TOMM70: variants seen among roughly 807,000 people sequenced by gnomAD.
TOMM70 encodes translocase of outer mitochondrial membrane 70, also known as mitochondrial import receptor subunit TOM70.
Under a neutral mutation model 73.6 loss-of-function variants are expected in TOMM70, and 13 were observed. That is an observed-to-expected ratio of 0.18 (90% CI 0.11 to 0.28). The LOEUF is 0.28. Ranked by LOEUF, TOMM70 falls within the 10% of genes least tolerant of loss-of-function variation. TOMM70 has a pLI of 1.00. For missense variants in TOMM70, 609 were observed against 747.5 expected (o/e 0.81, Z 2.16); for synonymous variants, 257 against 271.2 (o/e 0.95, Z 0.51).
chr3:100,388,669 G>GC (rs1360473220), intron 1 of TOMM70, among the ~76,000 whole-genome samples: 1 of 151,936 alleles, frequency 6.6e-6, no homozygotes, highest in African/African-American at 2.4e-5. Context: ...AAAAAAAGAG[G>GC]CCCCCAACTC....
chr3:100,395,262 G>A (rs1037468620), intron 1 of TOMM70, among the ~76,000 whole-genome samples: 2 of 152,034 alleles, frequency 1.3e-5, no homozygotes, highest in Non-Finnish European at 2.9e-5. Flanking sequence ...CCAGCTACTC[G>A]GGAGGCTGAG....
At chr3:100,383,411 T>C (rs952488683) in intron 4 of TOMM70, among the ~76,000 whole-genome samples, 3 of 151,724 alleles carry the variant, frequency 2.0e-5, no homozygotes, top group East Asian at 3.9e-4. Context: ...TAGTCCCAGC[T>C]ACTTGGGAGA....
At chr3:100,395,977 T>C (rs1195361825) in intron 1 of TOMM70, among the ~76,000 whole-genome samples, 1 of 151,158 alleles carries the variant, frequency 6.6e-6, no homozygotes, top group African/African-American at 2.4e-5. Flanking sequence ...CTCTGTATTG[T>C]GATAAGGAGA....
chr3:100,391,925 G>C (rs1347881836), intron 1 of TOMM70, among the ~76,000 whole-genome samples: 1 of 152,100 alleles, frequency 6.6e-6, no homozygotes, highest in Non-Finnish European at 1.5e-5. Flanking sequence ...GCAGCTTCCA[G>C]TCTGACAAGC....
chr3:100,384,911 T>C (rs1706673056), intron 3 of TOMM70, among the ~76,000 whole-genome samples: 1 of 152,214 alleles, frequency 6.6e-6, no homozygotes, highest in Non-Finnish European at 1.5e-5. Context: ...AAACATAGTG[T>C]GGCTCTCTCA....
chr3:100,398,890 G>GCTTT (rs910007606), intron 1 of TOMM70, among the ~76,000 whole-genome samples: 1 of 152,152 alleles, frequency 6.6e-6, no homozygotes, highest in Middle Eastern at 3.2e-3. Context: ...AGATCATATG[G>GCTTT]CTTTCTCATG....
intron 1 of TOMM70, among the ~76,000 whole-genome samples, chr3:100,393,474 T>TAA (rs150068388): frequency 6.6e-6 from 1 of 151,122 alleles, no homozygotes; most frequent in African/African-American, 2.4e-5. Flanking sequence ...TGTAAGTGAT[T>TAA]AAAAAAAAAC....
intron 6 of TOMM70, 140 bp from the exon 7 acceptor site, chr3:100,375,292 G>A (rs1706550145): frequency 9.7e-7 from 1 of 1,030,220 alleles, no homozygotes; most frequent in South Asian, 2.2e-5. Flanking sequence ...TGTTTTTAGT[G>A]TATTCACTAA....
chr3:100,376,816 T>C (rs116766449), intron 6 of TOMM70, among the ~76,000 whole-genome samples: 4 of 152,290 alleles, frequency 2.6e-5, no homozygotes, highest in Admixed American at 6.5e-5. Context: ...TGCGTTTCTT[T>C]AAAATTTTGT....
At chr3:100,400,220 G>A (rs1382654853) in intron 1 of TOMM70, among the ~76,000 whole-genome samples, 1 of 152,084 alleles carries the variant, frequency 6.6e-6, no homozygotes, top group Non-Finnish European at 1.5e-5. Context: ...ATTATTAAAA[G>A]GCTCTTAGCG....
At chr3:100,368,377 G>T (rs1353677575) in intron 10 of TOMM70, among the ~76,000 whole-genome samples, 1 of 151,992 alleles carries the variant, frequency 6.6e-6, no homozygotes, top group East Asian at 1.9e-4. Context: ...GTGTTCAATG[G>T]TCTAGGCTCT....
intron 5 of TOMM70, among the ~76,000 whole-genome samples, chr3:100,380,143 C>T (rs895243515): frequency 2.6e-5 from 4 of 151,900 alleles, no homozygotes; most frequent in Admixed American, 6.6e-5. Flanking sequence ...GTCGGGAGTT[C>T]GAGACCAGCC....
At chr3:100,382,303 G>T (rs1191097682) in intron 4 of TOMM70, among the ~76,000 whole-genome samples, 2 of 152,052 alleles carry the variant, frequency 1.3e-5, no homozygotes, top group Admixed American at 1.3e-4. Context: ...GGAAACATGC[G>T]ATTTTTCATT....
At chr3:100,384,398 TA>T in intron 4 of TOMM70, 80 bp downstream of exon 4, 1 of 960,010 alleles carries the variant, frequency 1.0e-6, no homozygotes, top group Non-Finnish European at 1.5e-6. Flanking sequence ...CCACTATGCC[TA>T]AGCTTAAGCA....
chr3:100,394,378 T>G (rs76632512), intron 1 of TOMM70, among the ~76,000 whole-genome samples: 3 of 149,520 alleles, frequency 2.0e-5, no homozygotes, highest in Non-Finnish European at 3.0e-5. Flanking sequence ...TTTTTTTTTT[T>G]GAGATAGAGT....
At chr3:100,373,116 CTTATT>C (rs1199582135) in intron 8 of TOMM70, among the ~76,000 whole-genome samples, 1 of 146,284 alleles carries the variant, frequency 6.8e-6, no homozygotes, top group Non-Finnish European at 1.5e-5. Flanking sequence ...CTGGAAGTAT[CTTATT>C]TTACTAGAAA....
At chr3:100,385,657 G>T (rs1706682200) in intron 3 of TOMM70, among the ~76,000 whole-genome samples, 1 of 152,142 alleles carries the variant, frequency 6.6e-6, no homozygotes, top group South Asian at 2.1e-4. Context: ...AATATTTATG[G>T]CATTTAATGA....
chr3:100,400,867 G>T lies in TOMM70; in HGVS notation c.83C>A (p.Thr28Asn). 1 of 1,527,316 alleles carries T rather than the reference G, an allele frequency of 6.5e-7. No individual in the cohort carries two copies. The highest frequency in any genetic ancestry group is 8.7e-7 in the Non-Finnish European group (1 of 1,144,116). 94.6% of individuals were successfully genotyped at this position (1,527,316 alleles called of 1,614,324 possible). The change falls in exon 1 of 12, where the codon ACT becomes AAT. Residue 28 changes from threonine (T) to asparagine (N), a missense_variant. Thr to Asn is a moderately conservative substitution (Grantham distance 65, BLOSUM62 0). This residue lies in a region of TOMM70 where 177 missense variants were observed against 163.5 expected (regional missense o/e 1.08). Transcript: ENST00000284320. ...CAGCCCCCCCGTGCCCGGGCCCGCA[G>T]TCCCGCCGCCGCCCACCCCACTCCC... is the stretch of plus-strand genomic sequence containing the variant. ...SSGSGVGGGGTAGPGTGGLPR... is the reference protein window; with the variant it reads ...SSGSGVGGGGNAGPGTGGLPR...
At chr3:100,367,265 T>C (rs1706455694) in intron 11 of TOMM70, among the ~76,000 whole-genome samples, 1 of 150,312 alleles carries the variant, frequency 6.7e-6, no homozygotes, top group Admixed American at 6.6e-5. Context: ...GGGTACAGAA[T>C]GGTTAAAAGA....
Sources: gnomAD v4.1 joint callset for allele counts (sites outside exome capture counted in the v4.1 genomes callset) on GRCh38, gnomAD v4.1.1 for gene constraint, gnomAD v4.1.1 regional missense constraint, MANE v1.5 for transcripts, NCBI Gene and HGNC (gene_info 2026-07-23, HGNC 2026-07-21) for gene names.